TRHDE: variants seen among roughly 807,000 people sequenced by gnomAD.
TRHDE encodes thyrotropin releasing hormone degrading enzyme, also known as thyrotropin-releasing hormone-degrading ectoenzyme.
TRHDE carries 72 observed loss-of-function variants against 125.7 expected under a neutral mutation model. The ratio of observed to expected loss-of-function variants is 0.57; its 90% CI spans 0.47 to 0.70. TRHDE has a LOEUF of 0.70. Among genes scored for constraint, TRHDE ranks in the 30% least tolerant of loss-of-function variants. The pLI is 0.00. For missense variants in TRHDE, 1,110 were observed against 1,327.1 expected (o/e 0.84, Z 2.54); for synonymous variants, 509 against 509.1 (o/e 1.00, Z 0.00).
At chr12:72,330,341 A>C (rs943991506) in intron 2 of TRHDE, among the ~76,000 whole-genome samples, 1 of 151,932 alleles carries the variant, frequency 6.6e-6, no homozygotes, top group Non-Finnish European at 1.5e-5. Flanking sequence ...AAAAAAAAAA[A>C]AACCAAAACC....
intron 2 of TRHDE, among the ~76,000 whole-genome samples, chr12:72,133,404 C>T (rs866498928): frequency 1.1e-4 from 17 of 152,116 alleles, no homozygotes; most frequent in Admixed American, 5.2e-4. Flanking sequence ...ATTGCTGTGT[C>T]GGGTAGAAGA....
chr12:72,315,267 A>T (rs1158867998), intron 2 of TRHDE, among the ~76,000 whole-genome samples: 3 of 152,228 alleles, frequency 2.0e-5, no homozygotes, highest in African/African-American at 4.8e-5. Flanking sequence ...TGAGATTAGG[A>T]AGTATTTTAA....
intron 15 of TRHDE, among the ~76,000 whole-genome samples, chr12:72,627,666 T>C (rs540078961): frequency 6.6e-6 from 1 of 152,030 alleles, no homozygotes; most frequent in South Asian, 2.1e-4. Flanking sequence ...GGTAATGGCA[T>C]GTCTGGTTAA....
At chr12:72,117,271 G>A (rs1233120800) in intron 2 of TRHDE, among the ~76,000 whole-genome samples, 1 of 152,032 alleles carries the variant, frequency 6.6e-6, no homozygotes, top group Admixed American at 6.6e-5. Context: ...AGAGATAAAG[G>A]TCTAGTTTCA....
chr12:72,589,553 T>G (rs537081901), intron 12 of TRHDE, among the ~76,000 whole-genome samples: 2 of 152,320 alleles, frequency 1.3e-5, no homozygotes, highest in African/African-American at 4.8e-5. Flanking sequence ...CATGTGAGCC[T>G]GAAATTCTCT....
chr12:72,304,878 A>ATGTC (rs1868316941), intron 2 of TRHDE, among the ~76,000 whole-genome samples: 1 of 152,170 alleles, frequency 6.6e-6, no homozygotes, highest in Admixed American at 6.5e-5. Flanking sequence ...TAGCATGCTG[A>ATGTC]TGTCTCTAGG....
chr12:72,474,323 T>A (rs1027983144), intron 5 of TRHDE, among the ~76,000 whole-genome samples: 3 of 152,118 alleles, frequency 2.0e-5, no homozygotes, highest in African/African-American at 7.2e-5. Flanking sequence ...TTTTCAGGTG[T>A]GTGATGCAGA....
chr12:72,585,443 G>A (rs763648668), intron 12 of TRHDE, among the ~76,000 whole-genome samples: 2 of 152,146 alleles, frequency 1.3e-5, no homozygotes, highest in Non-Finnish European at 2.9e-5. Context: ...TCACTCCACA[G>A]TAAATAGACA....
chr12:72,107,910 G>C (rs759519667), intron 2 of TRHDE, among the ~76,000 whole-genome samples: 2 of 152,108 alleles, frequency 1.3e-5, no homozygotes, highest in Non-Finnish European at 2.9e-5. Flanking sequence ...TTAAAGGACT[G>C]TATACTTGCT....
intron 2 of TRHDE, among the ~76,000 whole-genome samples, chr12:72,243,495 A>G (rs1371723571): frequency 6.6e-6 from 1 of 152,194 alleles, no homozygotes; most frequent in African/African-American, 2.4e-5. Flanking sequence ...AGAAGGCAAA[A>G]TATTTTGTTA....
intron 2 of TRHDE, among the ~76,000 whole-genome samples, chr12:72,137,811 T>C (rs975192976): frequency 6.6e-6 from 1 of 152,208 alleles, no homozygotes; most frequent in African/African-American, 2.4e-5. Flanking sequence ...TAAGAAACAG[T>C]AGTTTTGAAA....
At chr12:72,300,612 CGT>C (rs777139703) in intron 2 of TRHDE, among the ~76,000 whole-genome samples, 71 of 149,244 alleles carry the variant, frequency 4.8e-4, no homozygotes, top group South Asian at 1.1e-3. Flanking sequence ...AGATGTATAG[CGT>C]GTGTGTGTGT....
At chr12:72,349,885 C>T (rs1488011305) in intron 2 of TRHDE, among the ~76,000 whole-genome samples, 1 of 151,878 alleles carries the variant, frequency 6.6e-6, no homozygotes. Context: ...AGATATCATG[C>T]GTTTCTCATG....
intron 5 of TRHDE, among the ~76,000 whole-genome samples, chr12:72,489,213 A>AT (rs1183629591): frequency 2.0e-4 from 30 of 148,294 alleles, no homozygotes; most frequent in South Asian, 1.9e-3. Flanking sequence ...AGACTTAGAG[A>AT]TTTTTTTTGA....
At chr12:72,401,637 A>G (rs1873045685) in intron 3 of TRHDE, among the ~76,000 whole-genome samples, 1 of 152,232 alleles carries the variant, frequency 6.6e-6, no homozygotes, top group Admixed American at 6.5e-5. Context: ...CTTATATTCA[A>G]TGCCATTTAA....
chr12:72,583,166 G>C (rs1248227425), intron 12 of TRHDE, among the ~76,000 whole-genome samples: 1 of 152,134 alleles, frequency 6.6e-6, no homozygotes, highest in Non-Finnish European at 1.5e-5. Context: ...TGTGCAAAAG[G>C]ATAAATATTA....
intron 1 of TRHDE, among the ~76,000 whole-genome samples, chr12:72,283,253 T>C (rs1879760806): frequency 6.6e-6 from 1 of 152,210 alleles, no homozygotes; most frequent in African/African-American, 2.4e-5. Context: ...AGTGGTAGTG[T>C]AATTTAACAT....
chr12:72,178,343 G>A (rs1877030125), intron 2 of TRHDE, among the ~76,000 whole-genome samples: 1 of 152,062 alleles, frequency 6.6e-6, no homozygotes, highest in Admixed American at 6.6e-5. Context: ...AATGGTAACA[G>A]CATCGATGAT....
chr12:72,628,464 G>A (rs1873350283), intron 15 of TRHDE, among the ~76,000 whole-genome samples: 1 of 151,842 alleles, frequency 6.6e-6, no homozygotes, highest in African/African-American at 2.4e-5. Flanking sequence ...AAGTTTAGCT[G>A]ATTGGGCAGA....
Sources: gnomAD v4.1 joint callset for allele counts (sites outside exome capture counted in the v4.1 genomes callset) on GRCh38, gnomAD v4.1.1 for gene constraint, MANE v1.5 for transcripts, NCBI Gene and HGNC (gene_info 2026-07-23, HGNC 2026-07-21) for gene names.